Variants in TRPM6 observed in about 807,000 individuals in gnomAD.
The protein encoded by TRPM6 is transient receptor potential cation channel subfamily M member 6, also known as channel kinase 2.
Under a neutral mutation model 247.6 loss-of-function variants are expected in TRPM6, and 111 were observed. That is an observed-to-expected ratio of 0.45 (90% CI 0.38 to 0.52). The LOEUF is 0.52. TRPM6 is among the 20% of genes least tolerant of loss of function. The probability of loss-of-function intolerance (pLI) is 0.00; values close to 1 mark genes in which losing one functional copy is unlikely to be tolerated. For missense variants in TRPM6, 2,126 were observed against 2,421.5 expected, an observed-to-expected ratio of 0.88 and a Z score of 2.56; for synonymous variants, 892 against 853.8, an observed-to-expected ratio of 1.04 and a Z score of -0.78.
chr9:74,795,205 C>T (rs1197499916), intron 18 of TRPM6, among the ~76,000 whole-genome samples: 2 of 152,156 alleles, frequency 1.3e-5, no homozygotes, highest in African/African-American at 4.8e-5. Context: ...TATTGCTTCT[C>T]ACCTGGATGG....
At chr9:74,821,148 A>C (rs1202657293) in intron 8 of TRPM6, among the ~76,000 whole-genome samples, 2 of 152,228 alleles carry the variant, frequency 1.3e-5, no homozygotes, top group Non-Finnish European at 2.9e-5. Flanking sequence ...ATGCTTTTGA[A>C]ATTGGAAGAA....
chr9:74,850,367 G>T (rs1434010464), intron 3 of TRPM6, among the ~76,000 whole-genome samples: 1 of 151,564 alleles, frequency 6.6e-6, no homozygotes, highest in Non-Finnish European at 1.5e-5. Flanking sequence ...GGGAGACTCT[G>T]TCTCAAAAAA....
rs1173867491 is a variant in TRPM6 at position 74,803,859 on chromosome 9, T to A, written c.1666A>T (p.Asn556Tyr). 1.2e-6 allele frequency: 2 copies of A among 1,613,402 alleles called. No homozygotes were observed. Among genetic ancestry groups the A allele is most frequent in the African/African-American group, 2.7e-5 (2 of 74,896 alleles). The change falls in exon 15 of 39, where the codon AAT becomes TAT. Residue 556 changes from asparagine (N) to tyrosine (Y), a missense_variant. Around this residue, in one of 3 missense-constraint regions of TRPM6, gnomAD observed 1,082 missense variants for 1,307.9 expected, o/e 0.83. Coordinates refer to ENST00000360774, the MANE Select transcript of TRPM6 (RefSeq NM_017662.5). ...KHQRHSSGNR[N>Y]ESAESTLHSQ... The stretch of plus-strand genomic sequence containing the variant: ...TGCAGCGTACTTTCTGCAGACTCAT[T>A]TCTATTTCCTGAGGAGTGTCTCTGG...
chr9:74,881,149 T>C (rs953146594), intron 1 of TRPM6, among the ~76,000 whole-genome samples: 14 of 151,650 alleles, frequency 9.2e-5, no homozygotes, highest in African/African-American at 3.4e-4. Flanking sequence ...TTTTTTTAAT[T>C]GAAAAAAAAG....
chr9:74,820,172 C>T, intron 9 of TRPM6, 132 bp downstream of exon 9: 1 of 1,003,636 alleles, frequency 1.0e-6, no homozygotes, highest in South Asian at 1.4e-5. Context: ...CCCCCTCCAC[C>T]CTGACAGGCC....
intron 6 of TRPM6, among the ~76,000 whole-genome samples, chr9:74,828,281 G>A (rs1209456635): frequency 3.3e-5 from 5 of 152,122 alleles, no homozygotes; most frequent in Non-Finnish European, 5.9e-5. Flanking sequence ...GCTTGAACCC[G>A]GCAGGCAGAA....
intron 37 of TRPM6, among the ~76,000 whole-genome samples, chr9:74,732,398 C>T (rs1203948153): frequency 6.6e-6 from 1 of 152,218 alleles, no homozygotes; most frequent in African/African-American, 2.4e-5. Flanking sequence ...AGAGGCTAAA[C>T]TTACACATTG....
chr9:74,818,751 T>C (rs905389362), intron 9 of TRPM6, among the ~76,000 whole-genome samples: 1 of 152,210 alleles, frequency 6.6e-6, no homozygotes, highest in African/African-American at 2.4e-5. Flanking sequence ...AGAAGCATGC[T>C]GCTAATTAGA....
chr9:74,784,459 G>A (rs991354315), intron 21 of TRPM6, among the ~76,000 whole-genome samples: 1 of 152,032 alleles, frequency 6.6e-6, no homozygotes, highest in Non-Finnish European at 1.5e-5. Flanking sequence ...TCCTAAAGTT[G>A]TTACTAAGAT....
intron 8 of TRPM6, 117 bp downstream of exon 8, chr9:74,821,552 C>G: frequency 1.7e-6 from 2 of 1,201,790 alleles, no homozygotes; most frequent in Admixed American, 1.8e-5. Context: ...AAATGAAATC[C>G]AGTCTCAACT....
At chr9:74,819,872 T>C (rs1829079482) in intron 9 of TRPM6, among the ~76,000 whole-genome samples, 1 of 152,198 alleles carries the variant, frequency 6.6e-6, no homozygotes, top group Non-Finnish European at 1.5e-5. Flanking sequence ...ATTTGAAGCA[T>C]GGAGAGTGCG....
At position 74,755,606 on chromosome 9, in the gene TRPM6, C is replaced by T; in HGVS notation, c.4786-133G>A. On this transcript the variant is annotated intron_variant, in intron 27 of 38. Coordinates refer to ENST00000360774, the MANE Select transcript of TRPM6 (RefSeq NM_017662.5). ...GCATATGACAATTGCCTGGGAAGTG[C>T]TGACAAATCCCATCACTTAGGCTGG... is the stretch of plus-strand genomic sequence containing the variant. 3 of 1,126,146 alleles carry T rather than the reference C, an allele frequency of 2.7e-6. No individual in the cohort carries two copies. In the South Asian group the frequency reaches 3.8e-5, roughly 14 times the overall value. The allele number at this position is 1,126,146 out of a possible 1,614,324, so 69.8% of individuals were successfully genotyped here.
At chr9:74,769,426 G>C (rs1564005424) in intron 25 of TRPM6, among the ~76,000 whole-genome samples, 1 of 152,154 alleles carries the variant, frequency 6.6e-6, no homozygotes, top group Non-Finnish European at 1.5e-5. Flanking sequence ...TGGGATTACA[G>C]GAGTGAGCCA....
At chr9:74,858,796 A>T in intron 1 of TRPM6, 48 bp from the exon 2 acceptor site, 1 of 1,468,330 alleles carries the variant, frequency 6.8e-7, no homozygotes, top group South Asian at 1.2e-5. Context: ...GTGACAAAAC[A>T]ATGTAACCAT....
At chr9:74,797,336 C>T (rs1036449953) in intron 17 of TRPM6, among the ~76,000 whole-genome samples, 14 of 152,146 alleles carry the variant, frequency 9.2e-5, no homozygotes, top group African/African-American at 3.4e-4. Flanking sequence ...CCAGGACACC[C>T]CTGACCCCCG....
At chr9:74,852,248 G>A (rs1379157092) in intron 3 of TRPM6, among the ~76,000 whole-genome samples, 1 of 151,518 alleles carries the variant, frequency 6.6e-6, no homozygotes, top group Non-Finnish European at 1.5e-5. Context: ...TTTGAGACAG[G>A]ATCTTGCTGC....
Position 74,816,749 on chromosome 9 carries a change from C to T in TRPM6, c.1228G>A (p.Glu410Lys), listed in dbSNP as rs764270967. ...CAAGCCATTGCCAGATTTAATTGCT[C>T]TGACGCTGATAAATTTGTGCCTAGG... Reference protein sequence around the residue: ...LLKGTNLSASEQLNLAMAWDR... With the variant: ...LLKGTNLSASKQLNLAMAWDR... The change falls in exon 11 of 39, where the codon GAG (glutamate) becomes AAG (lysine). Residue 410 changes from glutamate to lysine, a missense_variant. Physicochemically the swap from Glu to Lys is moderately conservative, Grantham distance 56. Coordinates refer to ENST00000360774, the MANE Select transcript of TRPM6 (RefSeq NM_017662.5). 2 of 1,614,048 alleles carry T rather than the reference C, an allele frequency of 1.2e-6. No homozygotes were observed. Among genetic ancestry groups the T allele is most frequent in the African/African-American group, 2.7e-5 (2 of 74,910 alleles).
At chr9:74,859,608 A>G (rs1830634961) in intron 1 of TRPM6, among the ~76,000 whole-genome samples, 3 of 152,036 alleles carry the variant, frequency 2.0e-5, no homozygotes, top group Admixed American at 2.0e-4. Flanking sequence ...CCCCGTCTCT[A>G]CTAAAAATAC....
At chr9:74,761,136 G>A (rs1381255340) in intron 27 of TRPM6, among the ~76,000 whole-genome samples, 2 of 152,226 alleles carry the variant, frequency 1.3e-5, no homozygotes, top group East Asian at 3.8e-4. Context: ...ATGTAGAACA[G>A]CTGAAATGCT....
Sources: gnomAD v4.1 joint callset for allele counts (sites outside exome capture counted in the v4.1 genomes callset) on GRCh38, gnomAD v4.1.1 for gene constraint, gnomAD v4.1.1 regional missense constraint, MANE v1.5 for transcripts, NCBI Gene and HGNC (gene_info 2026-07-23, HGNC 2026-07-21) for gene names.